The following AIDA variants were observed in gnomAD, a reference collection of about 807,000 sequenced individuals.
AIDA encodes the protein axin interactor, dorsalization-associated protein.
In AIDA, 18 loss-of-function variants were observed where a neutral mutation model predicts 42.7. The observed-to-expected ratio is 0.42, with a 90% confidence interval of 0.29 to 0.63. The LOEUF (loss-of-function observed/expected upper bound fraction) is 0.63, where lower values mean the gene tolerates loss of function less well. AIDA is among the 20% of genes least tolerant of loss of function. The pLI is 0.19. For synonymous variants in AIDA, 104 were observed against 122.9 expected, an observed-to-expected ratio of 0.85 and a Z score of 1.02; for missense variants, 250 against 354.1, an observed-to-expected ratio of 0.71 and a Z score of 2.36.
chr1:222,690,845 T>C (rs1002855043), intron 4 of AIDA, among the ~76,000 whole-genome samples: 1 of 152,166 alleles, frequency 6.6e-6, no homozygotes, highest in South Asian at 2.1e-4. Flanking sequence ...TCTCATTCAT[T>C]CTCTTTCTTT....
intron 4 of AIDA, among the ~76,000 whole-genome samples, chr1:222,689,584 C>CACATATGTATATATATGTATATATATAT (rs1655312814): frequency 1.5e-5 from 2 of 130,098 alleles, no homozygotes; most frequent in African/African-American, 6.5e-5. Flanking sequence ...TATATATACA[C>CACATATGTATATATATGTATATATATAT]ACACACACAC....
At chr1:222,684,919 T>A (rs1420133060) in intron 6 of AIDA, among the ~76,000 whole-genome samples, 1 of 152,182 alleles carries the variant, frequency 6.6e-6, no homozygotes, top group Non-Finnish European at 1.5e-5. Flanking sequence ...TAGAAATTTA[T>A]AGAACTGGAA....
chr1:222,694,845 T>C (rs1357203605), intron 2 of AIDA, among the ~76,000 whole-genome samples: 1 of 152,196 alleles, frequency 6.6e-6, no homozygotes, highest in Non-Finnish European at 1.5e-5. Context: ...TTAGGAGAGA[T>C]AAGACACATA....
At chr1:222,695,397 C>T (rs772139593) in intron 2 of AIDA, among the ~76,000 whole-genome samples, 2 of 152,058 alleles carry the variant, frequency 1.3e-5, no homozygotes, top group Admixed American at 6.6e-5. Context: ...AAGGCTGAGG[C>T]GGGAGAATCG....
chr1:222,695,414 C>G (rs1233210468), intron 2 of AIDA, among the ~76,000 whole-genome samples: 1 of 152,112 alleles, frequency 6.6e-6, no homozygotes, highest in South Asian at 2.1e-4. Flanking sequence ...ATCGCTTAAA[C>G]CTGGGAGGCG....
chr1:222,699,952 A>C (rs1655642986), intron 2 of AIDA, among the ~76,000 whole-genome samples: 2 of 152,116 alleles, frequency 1.3e-5, no homozygotes, highest in African/African-American at 4.8e-5. Context: ...TTGTATTTTT[A>C]GTAGAGACGG....
chr1:222,693,690 G>A, intron 4 of AIDA, 99 bp downstream of exon 4: 1 of 1,036,516 alleles, frequency 9.6e-7, no homozygotes, highest in Non-Finnish European at 1.4e-6. Context: ...GATATTAACA[G>A]AAATAAATCA....
At chr1:222,695,256 C>A (rs1200104165) in intron 2 of AIDA, among the ~76,000 whole-genome samples, 2 of 152,204 alleles carry the variant, frequency 1.3e-5, no homozygotes, top group African/African-American at 4.8e-5. Flanking sequence ...CTTTGGGAGT[C>A]CAAGGCAGGC....
Position 222,669,824 on chromosome 1 carries a change from T to C in AIDA, c.*69A>G. The C allele has an allele frequency of 1.4e-6, 2 of 1,449,770 alleles. No homozygotes were observed. 89.8% of individuals were successfully genotyped at this position (1,449,770 alleles called of 1,614,324 possible). ...CCTGCCTGTTGAAGGGTGAATATGC[T>C]ACACAGAGCTATGATGGTTTCTACT... On this transcript the variant is annotated 3_prime_UTR_variant, in exon 10 of 10. Transcript: ENST00000340020.
chr1:222,669,846 T>C lies in AIDA; in HGVS notation c.*47A>G, dbSNP rs1235701103. 1.9e-6 allele frequency: 3 copies of C among 1,563,148 alleles called. No individual in the cohort carries two copies. Among genetic ancestry groups the C allele is most frequent in the Non-Finnish European group, 2.6e-6 (3 of 1,142,954 alleles). ...TGCTACACAGAGCTATGATGGTTTC[T>C]ACTGAGTGGTAAAATTCACAGAAGT... On this transcript the variant is annotated 3_prime_UTR_variant, in exon 10 of 10. Transcript: ENST00000340020.
chr1:222,706,511 A>G (rs191732712), intron 1 of AIDA, among the ~76,000 whole-genome samples: 9 of 152,282 alleles, frequency 5.9e-5, no homozygotes, highest in Admixed American at 5.2e-4. Context: ...AAAAGCAATG[A>G]CACATGCTAC....
At chr1:222,698,378 C>T (rs1012818833) in intron 2 of AIDA, among the ~76,000 whole-genome samples, 1 of 151,388 alleles carries the variant, frequency 6.6e-6, no homozygotes, top group East Asian at 1.9e-4. Flanking sequence ...CAGAATTAAT[C>T]GTCTTAAATA....
chr1:222,699,169 GC>G (rs1655610769), intron 2 of AIDA, among the ~76,000 whole-genome samples: 1 of 152,024 alleles, frequency 6.6e-6, no homozygotes, highest in Non-Finnish European at 1.5e-5. Context: ...TCAAAGTTGT[GC>G]AAACTATTGA....
At chr1:222,700,533 G>A (rs139800188) in intron 2 of AIDA, among the ~76,000 whole-genome samples, 1,879 of 152,078 alleles carry the variant, frequency 0.012, 52 homozygotes, top group African/African-American at 0.043. Context: ...CCAGATGGGC[G>A]GATCACGAGG....
rs752071735 is a variant in AIDA at position 222,687,673 on chromosome 1, T to A, written c.290-15A>T. On this transcript the variant is annotated splice_polypyrimidine_tract_variant and intron_variant, in intron 4 of 9. Coordinates refer to ENST00000340020, the MANE Select transcript of AIDA (RefSeq NM_022831.4). Reference sequence around the variant, plus strand: ...ATTCTTTAGGACTAGAATAAGAAGATAAAGAAACATGAATTCTTCCATGAA... The same window carrying A: ...ATTCTTTAGGACTAGAATAAGAAGAAAAAGAAACATGAATTCTTCCATGAA... 1 of 1,446,986 alleles carries A rather than the reference T, an allele frequency of 6.9e-7. No homozygotes were observed. The highest frequency in any genetic ancestry group is 9.3e-7 in the Non-Finnish European group (1 of 1,072,414). The allele number at this position is 1,446,986 out of a possible 1,614,324, so 89.6% of individuals were successfully genotyped here.
rs138472015 is a variant in AIDA at position 222,685,293 on chromosome 1, T to C, written c.460+1637A>G. Among the ~76,000 whole-genome samples the C allele has an allele frequency of 1.5e-3, 225 of 152,332 alleles. 6 individuals are homozygous for C. The South Asian group carries it at 0.021, about 14-fold the overall frequency. ...CTTGTTAATCTTCACAGTAACCTTA[T>C]GAGTTAGGCACTATCATTATCCCAT... On this transcript the variant is annotated intron_variant, in intron 6 of 9. Transcript: ENST00000340020.
intron 1 of AIDA, 37 bp from the exon 2 acceptor site, chr1:222,703,254 A>C: frequency 6.7e-7 from 1 of 1,481,872 alleles, no homozygotes; most frequent in Non-Finnish European, 9.3e-7. Context: ...AATGGAAGAA[A>C]AGCAAACTAC....
At chr1:222,673,071 T>TAAAGAC (rs1664477685) in intron 8 of AIDA, among the ~76,000 whole-genome samples, 1 of 152,212 alleles carries the variant, frequency 6.6e-6, no homozygotes, top group Non-Finnish European at 1.5e-5. Flanking sequence ...GTTTTGTTGG[T>TAAAGAC]AAAGACAATA....
chr1:222,673,598 A>T (rs1664489036), intron 7 of AIDA, among the ~76,000 whole-genome samples, 163 bp from the exon 8 acceptor site: 1 of 151,404 alleles, frequency 6.6e-6, no homozygotes, highest in African/African-American at 2.4e-5. Flanking sequence ...AACATGGTGA[A>T]ACCCCGTCTC....
Sources: allele counts gnomAD v4.1 joint callset (sites outside exome capture counted in the v4.1 genomes callset), GRCh38; gene constraint gnomAD v4.1.1; transcripts MANE v1.5; gene names NCBI Gene and HGNC (gene_info 2026-07-23, HGNC 2026-07-21).